The following CYFIP1 variants were observed in gnomAD, a reference collection of about 807,000 sequenced individuals.
CYFIP1 encodes cytoplasmic FMR1-interacting protein 1.
A neutral mutation model predicts 163.5 loss-of-function variants in CYFIP1; 58 were observed. That is an observed-to-expected ratio of 0.35 (90% CI 0.29 to 0.44). CYFIP1 has a LOEUF of 0.44. CYFIP1 is among the 20% of genes least tolerant of loss of function. CYFIP1 has a pLI of 1.00. For missense variants in CYFIP1, 1,338 were observed against 1,653.8 expected, an observed-to-expected ratio of 0.81 and a Z score of 3.31; for synonymous variants, 663 against 660.7, an observed-to-expected ratio of 1.00 and a Z score of -0.05.
intron 1 of CYFIP1, among the ~76,000 whole-genome samples, chr15:22,965,742 C>T (rs1567042227): frequency 6.6e-6 from 1 of 152,150 alleles, no homozygotes; most frequent in Non-Finnish European, 1.5e-5. Context: ...TTAGGCTTCC[C>T]TAGTAGCGGA....
At chr15:22,947,145 G>T in intron 2 of CYFIP1, 24 bp downstream of exon 2, 1 of 1,614,038 alleles carries the variant, frequency 6.2e-7, no homozygotes, top group Non-Finnish European at 8.5e-7. Context: ...CAGGCTGTAC[G>T]CCCTGCAGCT....
rs2059498642 is a variant in CYFIP1 at position 22,873,661 on chromosome 15, A to C, written c.3279T>G (p.Phe1093Leu). Residue 1093 changes from phenylalanine to leucine, a missense_variant, in exon 29 of 31, where the codon TTT becomes TTG. Phe to Leu is a conservative substitution (Grantham distance 22). Around this residue, in one of 4 missense-constraint regions of CYFIP1, gnomAD observed 306 missense variants for 322.1 expected, o/e 0.95. Coordinates refer to ENST00000617928, the MANE Select transcript of CYFIP1 (RefSeq NM_014608.6). ...TCCGGATCCGTGTCAGGATGACCTC[A>C]AACATGGACAGGCCGCAGCAGAGGC... ...KERLCCGLSM[F>L]EVILTRIRSF... 1 of 1,614,124 alleles carries C rather than the reference A, an allele frequency of 6.2e-7. No homozygotes were observed. Among genetic ancestry groups the C allele is most frequent in the South Asian group, 1.1e-5 (1 of 91,092 alleles).
intron 6 of CYFIP1, among the ~76,000 whole-genome samples, chr15:22,940,418 G>A (rs755104563): frequency 3.3e-5 from 5 of 152,158 alleles, no homozygotes; most frequent in Non-Finnish European, 7.3e-5. Context: ...GCAAGATACT[G>A]ACAAGCACTC....
In CYFIP1 at chr15:22,882,145, A is replaced by G. The variant is rs537074391; in HGVS notation, c.2821-209T>C. Among the ~76,000 whole-genome samples, 51 of 152,300 alleles carry G rather than the reference A, an allele frequency of 3.3e-4. 3 individuals are homozygous for G. The South Asian group carries it at 9.3e-3, about 28-fold the overall frequency. ...CCCATGACTGAATTCATGTTCTGAA[A>G]CTGGACTCCTCTTTCAAGATGAAAG... On this transcript the variant is annotated intron_variant, in intron 24 of 30. Coordinates refer to ENST00000617928, the MANE Select transcript of CYFIP1 (RefSeq NM_014608.6).
intron 1 of CYFIP1, among the ~76,000 whole-genome samples, chr15:22,972,541 G>A (rs1231287052): frequency 2.6e-5 from 4 of 152,158 alleles, no homozygotes; most frequent in Non-Finnish European, 2.9e-5. Context: ...ATAGAGCCTG[G>A]AAATAAATGC....
intron 25 of CYFIP1, among the ~76,000 whole-genome samples, chr15:22,881,050 C>G (rs180848382): frequency 1.8e-4 from 27 of 152,290 alleles, no homozygotes; most frequent in Non-Finnish European, 2.6e-4. Flanking sequence ...GTGCTGATGG[C>G]TACTTCCCCA....
chr15:22,974,672 G>GT (rs1419353969), intron 1 of CYFIP1, among the ~76,000 whole-genome samples: 1 of 152,156 alleles, frequency 6.6e-6, no homozygotes, highest in Non-Finnish European at 1.5e-5. Flanking sequence ...GGAGGTTGCA[G>GT]TAAGCTGAGA....
At chr15:22,948,577 C>T (rs1178970048) in intron 1 of CYFIP1, among the ~76,000 whole-genome samples, 1 of 152,124 alleles carries the variant, frequency 6.6e-6, no homozygotes, top group Non-Finnish European at 1.5e-5. Flanking sequence ...ACACAAAGAA[C>T]GAGGAACGTA....
At chr15:22,979,126 G>T (rs924526515) in intron 1 of CYFIP1, among the ~76,000 whole-genome samples, 5 of 152,156 alleles carry the variant, frequency 3.3e-5, no homozygotes, top group African/African-American at 1.2e-4. Context: ...TGAGGGCACC[G>T]GCACTATATC....
chr15:22,933,975 T>C lies in CYFIP1; in HGVS notation c.901-82A>G. On this transcript the variant is annotated intron_variant, in intron 9 of 30. Coordinates refer to ENST00000617928, the MANE Select transcript of CYFIP1 (RefSeq NM_014608.6). ...TAAGCACAAGGAAACTGACTAATGC[T>C]AATAATTACTTCGGCTTGAATGCTA... is the stretch of plus-strand genomic sequence containing the variant. 3 of 934,750 alleles carry C rather than the reference T, an allele frequency of 3.2e-6. No individual in the cohort carries two copies. In the South Asian group the frequency reaches 4.9e-5, roughly 15 times the overall value. 57.9% of individuals were successfully genotyped at this position (934,750 alleles called of 1,614,324 possible).
intron 1 of CYFIP1, among the ~76,000 whole-genome samples, chr15:22,969,818 A>G (rs2063029262): frequency 6.6e-6 from 1 of 152,220 alleles, no homozygotes; most frequent in African/African-American, 2.4e-5. Context: ...GCAAAAGGAC[A>G]TACCATGCAA....
At chr15:22,951,149 GCCAC>G (rs1169750916) in intron 1 of CYFIP1, among the ~76,000 whole-genome samples, 2 of 152,102 alleles carry the variant, frequency 1.3e-5, no homozygotes, top group Admixed American at 6.5e-5. Flanking sequence ...GGCTGGAGAC[GCCAC>G]CCATTTTCTC....
In CYFIP1 at chr15:22,917,569, G is replaced by A; in HGVS notation, c.1674+219C>T. 1.7e-6 allele frequency: 1 copy of A among 600,306 alleles called. No individual in the cohort carries two copies. The highest frequency in any genetic ancestry group is 2.7e-6 in the Non-Finnish European group (1 of 363,836). 37.2% of individuals were successfully genotyped at this position (600,306 alleles called of 1,614,324 possible). On this transcript the variant is annotated intron_variant, in intron 15 of 30. Transcript: ENST00000617928. This position sits in a 1 kb window ranked among gnomAD's most constrained non-coding sequence, Gnocchi z 4.2. ...TGAAATGGAGTCAGACTCCTTTTTAGTGCACATGACACATCTGACAATCAA... is the reference window on the plus strand; with the variant it reads ...TGAAATGGAGTCAGACTCCTTTTTAATGCACATGACACATCTGACAATCAA...
At chr15:22,926,875 T>C (rs903775683) in intron 12 of CYFIP1, among the ~76,000 whole-genome samples, 5 of 152,196 alleles carry the variant, frequency 3.3e-5, no homozygotes, top group Non-Finnish European at 7.3e-5. Context: ...AACTCGAATT[T>C]TTCTGGCATA....
chr15:22,872,852 A>G lies in CYFIP1; in HGVS notation c.3570T>C (p.Asp1190=). The G allele has an allele frequency of 6.2e-7, 1 of 1,614,126 alleles. No individual in the cohort carries two copies. Among genetic ancestry groups the G allele is most frequent in the Non-Finnish European group, 8.5e-7 (1 of 1,179,988 alleles). The change falls in exon 30 of 31, where the codon GAT becomes GAC. Residue 1190 remains aspartate (D), a synonymous_variant. Transcript: ENST00000617928. The part of the protein sequence containing the change: ...CYHLLKVQKH[D]GKDEIIKNVP... ...CATTTTTAATAATCTCATCTTTGCC[A>G]TCATGTTTCTGGACTTTAAGTAGAT...
At chr15:22,897,431 C>T (rs775815841) in intron 22 of CYFIP1, among the ~76,000 whole-genome samples, 1 of 151,204 alleles carries the variant, frequency 6.6e-6, no homozygotes, top group Non-Finnish European at 1.5e-5. Flanking sequence ...GGGCATAATT[C>T]AGTACCTCTG....
rs758379996 is a variant in CYFIP1, at chr15:22,882,982, G to A, written c.2706C>T (p.Tyr902=). ...KALNLAYSSI[Y]GSYRNFVGPP... ...GTCCCACGAAGTTCCGGTAGCTGCCGTAAATGCTGGAGTAGGCCAAGTTCA... is the reference window on the plus strand; with the variant it reads ...GTCCCACGAAGTTCCGGTAGCTGCCATAAATGCTGGAGTAGGCCAAGTTCA... Residue 902 remains tyrosine (Y), a synonymous_variant, in exon 24 of 31, where the codon TAC becomes TAT. Transcript: ENST00000617928. 2.1e-5 allele frequency: 34 copies of A among 1,613,932 alleles called. 1 individual carries two copies. Among genetic ancestry groups the A allele is most frequent in the South Asian group, 2.0e-4 (18 of 91,078 alleles).
intron 1 of CYFIP1, among the ~76,000 whole-genome samples, chr15:22,963,494 AATAACATAACATAAC>A (rs56889524): frequency 0.056 from 7,678 of 137,986 alleles, 236 homozygotes; most frequent in Middle Eastern, 0.08. Flanking sequence ...CTGTTTCAAA[AATAACATAACATAAC>A]ATAACATAAC....
In CYFIP1 at chr15:22,870,210, A is replaced by T; in HGVS notation, c.3598-18T>A. On this transcript the variant is annotated intron_variant, in intron 30 of 30. Transcript: ENST00000617928. ...TTCAAAGGCTACAACCATCAAAGTG[A>T]GGATGTTTTACTATTAACACTTCAA... is the stretch of plus-strand genomic sequence containing the variant. The T allele has an allele frequency of 6.3e-7, 1 of 1,597,408 alleles. No homozygotes were observed. Among genetic ancestry groups the T allele is most frequent in the Non-Finnish European group, 8.5e-7 (1 of 1,174,120 alleles).
Sources: allele counts gnomAD v4.1 joint callset (sites outside exome capture counted in the v4.1 genomes callset), GRCh38; gene constraint gnomAD v4.1.1; regional missense constraint gnomAD v4.1.1; non-coding constraint Gnocchi (gnomAD v3.1); transcripts MANE v1.5; gene names NCBI Gene and HGNC (gene_info 2026-07-23, HGNC 2026-07-21).